Variants in ZNF560 observed in about 807,000 individuals in gnomAD.
ZNF560 encodes zinc finger protein 560.
A neutral mutation model predicts 81.8 loss-of-function variants in ZNF560; 54 were observed. The observed-to-expected ratio is 0.66, with a 90% CI of 0.53 to 0.83. The LOEUF is 0.83. Among genes scored for constraint, ZNF560 ranks in the 40% least tolerant of loss-of-function variants. ZNF560 has a pLI of 0.00. For missense variants in ZNF560, 940 were observed against 932.4 expected (o/e 1.01, Z -0.11); for synonymous variants, 321 against 317.9 (o/e 1.01, Z -0.10).
chr19:9,501,062 T>A (rs2073628543), upstream of ZNF560, among the ~76,000 whole-genome samples: 1 of 152,126 alleles, frequency 6.6e-6, no homozygotes, highest in South Asian at 2.1e-4. Context: ...TGTATAGTGC[T>A]TTTAATGTGC....
the ZNF560 span, among the ~76,000 whole-genome samples, chr19:9,446,365 T>TACACACACACACACACACACACAC: frequency 2.8e-5 from 4 of 145,144 alleles, no homozygotes; most frequent in African/African-American, 1.0e-4. Context: ...TGCCAAGTCA[T>TACACACACACACACACACACACAC]ACACACACAC....
chr19:9,502,191 G>A (rs1038737951), upstream of ZNF560, among the ~76,000 whole-genome samples: 1 of 150,546 alleles, frequency 6.6e-6, no homozygotes, highest in Non-Finnish European at 1.5e-5. Context: ...GTTCTCTCAT[G>A]TTTTGTTTTG....
At chr19:9,486,690 A>C (rs990805406) in intron 2 of ZNF560, among the ~76,000 whole-genome samples, 1 of 152,030 alleles carries the variant, frequency 6.6e-6, no homozygotes, top group African/African-American at 2.4e-5. Flanking sequence ...CAGTGAGCCA[A>C]GATCATGCCA....
At chr19:9,493,357 G>C (rs961521623) in intron 2 of ZNF560, among the ~76,000 whole-genome samples, 7 of 152,264 alleles carry the variant, frequency 4.6e-5, no homozygotes, top group African/African-American at 1.7e-4. Flanking sequence ...GCAGTAGTCT[G>C]GCAGGTTTTC....
At chr19:9,470,588 A>T in intron 6 of ZNF560, 70 bp from the exon 7 acceptor site, 2 of 1,611,486 alleles carry the variant, frequency 1.2e-6, no homozygotes, top group Non-Finnish European at 1.7e-6. Context: ...AGAATGAGGA[A>T]GGGGGACCCA....
chr19:9,490,688 T>G (rs2073457989), intron 2 of ZNF560, among the ~76,000 whole-genome samples: 1 of 152,202 alleles, frequency 6.6e-6, no homozygotes, highest in Non-Finnish European at 1.5e-5. Context: ...AAAAACAGGT[T>G]GAAGATTAGG....
the ZNF560 span, among the ~76,000 whole-genome samples, chr19:9,449,441 T>C: frequency 1.3e-5 from 2 of 152,170 alleles, no homozygotes; most frequent in East Asian, 1.9e-4. Flanking sequence ...TTAAAAATTC[T>C]TTGAAATTAA....
At chr19:9,481,908 G>A (rs2073295386) in intron 2 of ZNF560, among the ~76,000 whole-genome samples, 2 of 152,160 alleles carry the variant, frequency 1.3e-5, no homozygotes, top group South Asian at 2.1e-4. Flanking sequence ...ATTTGGCCCA[G>A]CCATCCCATT....
chr19:9,446,365 T>TACACACACACACACAC, the ZNF560 span, among the ~76,000 whole-genome samples: 365 of 145,240 alleles, frequency 2.5e-3, 1 homozygote, highest in African/African-American at 7.4e-3. Context: ...TGCCAAGTCA[T>TACACACACACACACAC]ACACACACAC....
At chr19:9,485,384 G>T (rs2073368897) in intron 2 of ZNF560, among the ~76,000 whole-genome samples, 1 of 151,780 alleles carries the variant, frequency 6.6e-6, no homozygotes, top group Non-Finnish European at 1.5e-5. Context: ...GCAAATCAAT[G>T]TGATTAGAAC....
chr19:9,474,998 C>T (rs2073178678), intron 3 of ZNF560, among the ~76,000 whole-genome samples: 1 of 151,880 alleles, frequency 6.6e-6, no homozygotes, highest in African/African-American at 2.4e-5. Flanking sequence ...GTAAAGGATG[C>T]TTTCATCTTC....
At chr19:9,465,083 G>T (rs929038733), downstream of ZNF560, among the ~76,000 whole-genome samples, 2 of 151,434 alleles carry the variant, frequency 1.3e-5, no homozygotes, top group African/African-American at 4.9e-5. Flanking sequence ...ACATAAAAAG[G>T]GTTTATCTCC....
At chr19:9,501,348 TGTGTG>T, upstream of ZNF560, among the ~76,000 whole-genome samples, 1 of 148,350 alleles carries the variant, frequency 6.7e-6, no homozygotes, top group Non-Finnish European at 1.5e-5. Flanking sequence ...TGTGTGTGTG[TGTGTG>T]TGTGTGTGTG....
chr19:9,470,178 T>C (rs1325845497), intron 7 of ZNF560, among the ~76,000 whole-genome samples: 1 of 152,202 alleles, frequency 6.6e-6, no homozygotes, highest in Non-Finnish European at 1.5e-5. Flanking sequence ...ACAGTGATGG[T>C]GATGCTACTG....
In ZNF560 at chr19:9,474,287, G is replaced by A; in HGVS notation, c.69C>T (p.Thr23=). Residue 23 remains threonine (T), a synonymous_variant, in exon 4 of 10, where the codon ACC becomes ACT. Transcript: ENST00000301480. ...GGTCCAGTAAAATCCACTCCTCCTG[G>A]GTGAAGTCCACAGCTGTATCCTCAA... ...VTFEDTAVDF[T]QEEWILLDPV... 3.1e-6 allele frequency: 5 copies of A among 1,613,996 alleles called. No homozygotes were observed. Among genetic ancestry groups the A allele is most frequent in the East Asian group, 2.2e-5 (1 of 44,870 alleles).
chr19:9,482,142 G>A (rs930091464), intron 2 of ZNF560, among the ~76,000 whole-genome samples: 3 of 152,062 alleles, frequency 2.0e-5, no homozygotes, highest in Admixed American at 2.0e-4. Context: ...CATGAAGCTG[G>A]AAACCATCAT....
chr19:9,484,053 T>G (rs371844228), intron 2 of ZNF560, among the ~76,000 whole-genome samples: 5 of 138,356 alleles, frequency 3.6e-5, no homozygotes, highest in African/African-American at 1.3e-4. Flanking sequence ...GGATTAAGGG[T>G]GGTGCAAGAT....
chr19:9,468,394 A>T, intron 9 of ZNF560, 60 bp from the exon 10 acceptor site: 1 of 1,238,240 alleles, frequency 8.1e-7, no homozygotes, highest in Non-Finnish European at 1.1e-6. Context: ...AATAGATACC[A>T]CTCTTCTAAG....
At chr19:9,470,302 C>G in intron 7 of ZNF560, 90 bp downstream of exon 7, 5 of 1,506,826 alleles carry the variant, frequency 3.3e-6, no homozygotes, top group Non-Finnish European at 4.4e-6. Flanking sequence ...CCACTGTATT[C>G]AGATTTGACA....
Sources: allele counts gnomAD v4.1 joint callset (sites outside exome capture counted in the v4.1 genomes callset), GRCh38; gene constraint gnomAD v4.1.1; transcripts MANE v1.5; gene names NCBI Gene and HGNC (gene_info 2026-07-23, HGNC 2026-07-21).